The following DNMBP variants were observed in gnomAD, a reference collection of about 807,000 sequenced individuals.
DNMBP encodes dynamin binding protein.
A neutral mutation model predicts 150.0 loss-of-function variants in DNMBP; 87 were observed. That is an observed-to-expected ratio of 0.58 (90% CI 0.49 to 0.69). DNMBP has a LOEUF of 0.69. DNMBP is among the 30% of genes least tolerant of loss of function. The pLI is 0.00. For synonymous variants in DNMBP, 711 were observed against 750.4 expected, an observed-to-expected ratio of 0.95 and a Z score of 0.86; for missense variants, 1,774 against 1,949.0, an observed-to-expected ratio of 0.91 and a Z score of 1.69.
At chr10:99,933,120 C>G (rs2040179688) in intron 4 of DNMBP, among the ~76,000 whole-genome samples, 2 of 151,000 alleles carry the variant, frequency 1.3e-5, no homozygotes, top group Admixed American at 1.3e-4. Context: ...CAAATGAGAC[C>G]CCATCTCCAC....
At chr10:99,989,066 TTCAATAATCC>T (rs1341573202) in intron 1 of DNMBP, among the ~76,000 whole-genome samples, 3 of 152,238 alleles carry the variant, frequency 2.0e-5, no homozygotes, top group Non-Finnish European at 4.4e-5. Context: ...AGAACTGCTA[TTCAATAATCC>T]TCACCCTCTT....
At chr10:99,923,368 A>G (rs1281995958) in intron 4 of DNMBP, among the ~76,000 whole-genome samples, 1 of 150,490 alleles carries the variant, frequency 6.6e-6, no homozygotes, top group Non-Finnish European at 1.5e-5. Flanking sequence ...CCTGGTCAAA[A>G]GAGTGAGAGT....
chr10:99,904,609 G>C (rs1229101705), intron 6 of DNMBP, among the ~76,000 whole-genome samples: 7 of 151,996 alleles, frequency 4.6e-5, no homozygotes, highest in Admixed American at 4.6e-4. Flanking sequence ...CTCAGTCTTG[G>C]CTCCCTCAAG....
In DNMBP at chr10:99,956,160, CG is replaced by C; in HGVS notation, c.1313del (p.Pro438ArgfsTer12). 6.2e-7 allele frequency: 1 copy of C among 1,614,056 alleles called. No homozygotes were observed. The highest frequency in any genetic ancestry group is 2.2e-5 in the East Asian group (1 of 44,878). ...GAAGGTCGGGGTACTGTTCTGAGTG[CG>C]GGTGGCTCCCTCCCACTGTAGAATA... ...QYYSTVGGSH[P>X]HSEQYPDLLP... On this transcript the variant is annotated frameshift_variant, in exon 4 of 17. Coordinates refer to ENST00000324109, the MANE Select transcript of DNMBP (RefSeq NM_015221.4). LOFTEE classifies it high-confidence loss of function.
chr10:99,957,295 G>A, intron 3 of DNMBP, 90 bp from the exon 4 acceptor site: 1 of 1,178,938 alleles, frequency 8.5e-7, no homozygotes, highest in Non-Finnish European at 1.2e-6. Flanking sequence ...ATTTTAAACA[G>A]CTACCAAATT....
intron 4 of DNMBP, among the ~76,000 whole-genome samples, chr10:99,919,682 G>A (rs1471545976): frequency 3.3e-5 from 5 of 152,240 alleles, no homozygotes; most frequent in Admixed American, 1.3e-4. Context: ...AGCTACTTGG[G>A]AGGCTGAGGC....
intron 3 of DNMBP, among the ~76,000 whole-genome samples, chr10:99,960,409 G>A (rs1435497958): frequency 6.6e-6 from 1 of 152,084 alleles, no homozygotes; most frequent in East Asian, 1.9e-4. Context: ...ATAAGATCTG[G>A]GTAGCAAAGC....
At chr10:99,989,432 C>G (rs1472931819) in intron 1 of DNMBP, among the ~76,000 whole-genome samples, 1 of 152,184 alleles carries the variant, frequency 6.6e-6, no homozygotes, top group Non-Finnish European at 1.5e-5. Context: ...GACTTGAGGC[C>G]AGGCGCAGTG....
chr10:99,896,174 G>A (rs1298899038), intron 10 of DNMBP, 93 bp downstream of exon 10: 3 of 1,447,628 alleles, frequency 2.1e-6, no homozygotes, highest in Non-Finnish European at 1.9e-6. Context: ...GTCTGAGGAA[G>A]GGAACCACGC....
At chr10:99,918,338 A>G (rs1461290905) in intron 4 of DNMBP, among the ~76,000 whole-genome samples, 1 of 152,066 alleles carries the variant, frequency 6.6e-6, no homozygotes, top group Admixed American at 6.6e-5. Context: ...AGGTAAATCT[A>G]TTACAGTTAG....
intron 10 of DNMBP, among the ~76,000 whole-genome samples, chr10:99,895,477 T>C (rs2039639391): frequency 1.3e-5 from 2 of 152,198 alleles, no homozygotes; most frequent in South Asian, 4.1e-4. Context: ...AAACCTTTAA[T>C]GTTTTCCTGA....
chr10:99,891,890 C>A (rs2039571521), intron 11 of DNMBP, among the ~76,000 whole-genome samples: 1 of 146,332 alleles, frequency 6.8e-6, no homozygotes, highest in African/African-American at 2.6e-5. Flanking sequence ...TGAGGAGCGT[C>A]TCTGCCGCCC....
At chr10:100,002,299 G>C (rs574239816) in intron 1 of DNMBP, among the ~76,000 whole-genome samples, 37 of 149,600 alleles carry the variant, frequency 2.5e-4, no homozygotes, top group Admixed American at 4.6e-4. Flanking sequence ...TTCACAATTA[G>C]GAAAAAAAAT....
At chr10:99,895,152 G>A (rs946949169) in intron 10 of DNMBP, 102 bp from the exon 11 acceptor site, 44 of 649,780 alleles carry the variant, frequency 6.8e-5, no homozygotes, top group African/African-American at 6.6e-4. Flanking sequence ...TGGAGACGGA[G>A]TTTTGCTCTT....
intron 1 of DNMBP, among the ~76,000 whole-genome samples, chr10:99,998,579 C>CAAAA (rs71009799): frequency 4.3e-5 from 4 of 93,200 alleles, no homozygotes; most frequent in African/African-American, 1.5e-4. Flanking sequence ...GACTCCGTCT[C>CAAAA]AAAAAAAAAA....
In DNMBP at chr10:99,932,589, C is replaced by T. The variant is rs541365508; in HGVS notation, c.2260+22625G>A. Reference sequence around the variant, plus strand: ...CATTTAGAGACAGCCCAAAAGGAGTCCGTGAGGAACCCAGGACTGCAGTCA... The same window carrying T: ...CATTTAGAGACAGCCCAAAAGGAGTTCGTGAGGAACCCAGGACTGCAGTCA... On this transcript the variant is annotated intron_variant, in intron 4 of 16. Transcript: ENST00000324109. Among the ~76,000 whole-genome samples, 176 of 150,356 alleles carry T rather than the reference C, an allele frequency of 1.2e-3. 1 individual carries two copies. The highest frequency in any genetic ancestry group is 4.2e-3 in the African/African-American group (170 of 40,812).
chr10:99,891,463 G>A (rs1007527947), intron 11 of DNMBP, among the ~76,000 whole-genome samples: 2 of 151,914 alleles, frequency 1.3e-5, no homozygotes, highest in South Asian at 2.1e-4. Flanking sequence ...ACGGAGTCTC[G>A]TTCACTCAGT....
intron 6 of DNMBP, among the ~76,000 whole-genome samples, chr10:99,904,127 C>T (rs1187080843): frequency 6.6e-6 from 1 of 151,994 alleles, no homozygotes; most frequent in Non-Finnish European, 1.5e-5. Context: ...TGGTGGTACG[C>T]ATCTGTAGTC....
chr10:99,897,934 T>C, intron 9 of DNMBP, 152 bp downstream of exon 9: 1 of 658,908 alleles, frequency 1.5e-6, no homozygotes, highest in East Asian at 2.7e-5. Context: ...TAATAAAATA[T>C]CATATTTCCC....
Sources: gnomAD v4.1 joint callset for allele counts (sites outside exome capture counted in the v4.1 genomes callset) on GRCh38, gnomAD v4.1.1 for gene constraint, MANE v1.5 for transcripts, NCBI Gene and HGNC (gene_info 2026-07-23, HGNC 2026-07-21) for gene names.